The following PTPRR variants were observed in gnomAD, a reference collection of about 807,000 sequenced individuals.
PTPRR encodes protein tyrosine phosphatase receptor type R, also known as receptor-type tyrosine-protein phosphatase R.
Under a neutral mutation model 77.2 loss-of-function variants are expected in PTPRR, and 38 were observed. The ratio of observed to expected loss-of-function variants is 0.49; its 90% CI spans 0.38 to 0.65. The LOEUF is 0.65. PTPRR is among the 30% of genes least tolerant of loss of function. PTPRR has a pLI of 0.00. For synonymous variants in PTPRR, 299 were observed against 283.1 expected, an observed-to-expected ratio of 1.06 and a Z score of -0.57; for missense variants, 744 against 799.2, an observed-to-expected ratio of 0.93 and a Z score of 0.83.
At chr12:70,889,321 A>C (rs890135661) in intron 2 of PTPRR, among the ~76,000 whole-genome samples, 1 of 152,224 alleles carries the variant, frequency 6.6e-6, no homozygotes, top group Non-Finnish European at 1.5e-5. Flanking sequence ...CAAAGCAATG[A>C]GAAAGCCGGA....
intron 1 of PTPRR, among the ~76,000 whole-genome samples, chr12:70,913,476 G>A (rs1198451838): frequency 2.0e-5 from 3 of 152,020 alleles, no homozygotes; most frequent in Admixed American, 6.5e-5. Context: ...TAGGAGTTCC[G>A]GGTCCATTCT....
chr12:70,893,031 G>A, intron 1 of PTPRR, 54 bp from the exon 2 acceptor site: 2 of 1,548,994 alleles, frequency 1.3e-6, no homozygotes, highest in Middle Eastern at 2.1e-4. Flanking sequence ...AGTAAGAGAG[G>A]TAGATATATC....
chr12:70,827,100 G>T (rs912338052), intron 2 of PTPRR, among the ~76,000 whole-genome samples: 9 of 152,308 alleles, frequency 5.9e-5, no homozygotes, highest in African/African-American at 1.9e-4. Flanking sequence ...CCCCTCCCCA[G>T]ATACTTTCTT....
intron 13 of PTPRR, among the ~76,000 whole-genome samples, chr12:70,648,588 G>A (rs1474426989): frequency 6.6e-6 from 1 of 152,058 alleles, no homozygotes; most frequent in African/African-American, 2.4e-5. Flanking sequence ...TCACTGTTAC[G>A]CCCCACATCT....
chr12:70,747,685 A>G (rs1890257444), intron 5 of PTPRR, among the ~76,000 whole-genome samples: 1 of 152,224 alleles, frequency 6.6e-6, no homozygotes, highest in South Asian at 2.1e-4. Context: ...TCATCTGTTT[A>G]CTTCATGTCT....
intron 6 of PTPRR, among the ~76,000 whole-genome samples, chr12:70,728,628 G>A (rs1011963566): frequency 1.8e-4 from 26 of 146,400 alleles, no homozygotes; most frequent in Admixed American, 2.1e-4. Context: ...CCTTTCCTTT[G>A]AGCATCATGT....
At chr12:70,812,880 C>A (rs947084877) in intron 2 of PTPRR, among the ~76,000 whole-genome samples, 1 of 152,066 alleles carries the variant, frequency 6.6e-6, no homozygotes, top group African/African-American at 2.4e-5. Context: ...AAAATTGTAC[C>A]CCTGGCTTTC....
At chr12:70,890,218 C>A (rs1486296725) in intron 2 of PTPRR, among the ~76,000 whole-genome samples, 1 of 152,130 alleles carries the variant, frequency 6.6e-6, no homozygotes, top group Non-Finnish European at 1.5e-5. Flanking sequence ...GCACAGAAAT[C>A]CTAATAACAG....
chr12:70,764,964 T>G, intron 2 of PTPRR, among the ~76,000 whole-genome samples, 186 bp from the exon 3 acceptor site: 1 of 152,160 alleles, frequency 6.6e-6, no homozygotes, highest in Middle Eastern at 3.2e-3. Context: ...AGAAATAAAA[T>G]TATAGGAACA....
rs1323547016 is a variant in PTPRR at position 70,790,047 on chromosome 12, CCT to C, written c.358-25271_358-25270del. ...AGGAGATAATTGTTGTCTAATTCTC[CCT>C]CTCATTCCTGCATCATTAGTTCACC... On this transcript the variant is annotated intron_variant, in intron 2 of 13. Coordinates refer to ENST00000283228, the MANE Select transcript of PTPRR (RefSeq NM_002849.4). Among the ~76,000 whole-genome samples the C allele has an allele frequency of 6.6e-5, 10 of 151,922 alleles. No individual in the cohort carries two copies. The South Asian group carries it at 1.9e-3, about 28-fold the overall frequency.
chr12:70,673,643 T>C (rs532042036), intron 10 of PTPRR, among the ~76,000 whole-genome samples: 11 of 152,264 alleles, frequency 7.2e-5, no homozygotes, highest in African/African-American at 1.9e-4. Flanking sequence ...GAAGAAGAAA[T>C]AGAAATAATA....
chr12:70,728,266 C>CAAATG (rs1889519475), intron 6 of PTPRR, among the ~76,000 whole-genome samples: 1 of 128,634 alleles, frequency 7.8e-6, no homozygotes, highest in Non-Finnish European at 1.6e-5. Flanking sequence ...CTCATTGAGG[C>CAAATG]ATCAGAGAAG....
intron 1 of PTPRR, among the ~76,000 whole-genome samples, chr12:70,919,673 G>GT (rs58439089): frequency 0.042 from 4,582 of 109,500 alleles, 423 homozygotes; most frequent in Non-Finnish European, 0.062. Flanking sequence ...AACTGTAATT[G>GT]TTTTTTTTTT....
intron 2 of PTPRR, among the ~76,000 whole-genome samples, chr12:70,816,315 A>T (rs982673255): frequency 1.1e-4 from 16 of 152,206 alleles, no homozygotes; most frequent in African/African-American, 3.4e-4. Flanking sequence ...ATTCCTCAAG[A>T]AAAATATGAC....
rs141410392 is a variant in PTPRR, at chr12:70,686,783, G to T, written c.1280-2000C>A. ...CAGCCAAGTGTTCAGCTGACCAAAG[G>T]CTTGGCCAACAACTCAATTGAAATC... On this transcript the variant is annotated intron_variant, in intron 8 of 13. Coordinates refer to ENST00000283228, the MANE Select transcript of PTPRR (RefSeq NM_002849.4). 4.0e-3 allele frequency among the ~76,000 whole-genome samples: 616 copies of T among 152,214 alleles called. 20 individuals are homozygous for T. Among genetic ancestry groups the T allele is most frequent in the East Asian group, 2.1e-3 (11 of 5,176 alleles).
At chr12:70,836,044 C>T (rs1892296801) in intron 2 of PTPRR, among the ~76,000 whole-genome samples, 1 of 152,032 alleles carries the variant, frequency 6.6e-6, no homozygotes, top group Admixed American at 6.6e-5. Context: ...CTTCTCTTTC[C>T]TATTGGGATG....
intron 2 of PTPRR, among the ~76,000 whole-genome samples, chr12:70,799,964 A>T (rs1385473386): frequency 6.6e-6 from 1 of 152,086 alleles, no homozygotes; most frequent in Non-Finnish European, 1.5e-5. Flanking sequence ...AGTCACAAAG[A>T]TATGGTTAAA....
At chr12:70,884,676 G>C (rs1893206316) in intron 2 of PTPRR, among the ~76,000 whole-genome samples, 1 of 151,248 alleles carries the variant, frequency 6.6e-6, no homozygotes, top group Admixed American at 6.6e-5. Context: ...GACCATCCTG[G>C]CTAACACGGT....
At chr12:70,789,022 G>T in intron 2 of PTPRR, 2 of 590,844 alleles carry the variant, frequency 3.4e-6, no homozygotes, top group Non-Finnish European at 5.4e-6. Flanking sequence ...GCAGCAGCCT[G>T]TGCTTTCCCA....
Sources: allele counts gnomAD v4.1 joint callset (sites outside exome capture counted in the v4.1 genomes callset), GRCh38; gene constraint gnomAD v4.1.1; transcripts MANE v1.5; gene names NCBI Gene and HGNC (gene_info 2026-07-23, HGNC 2026-07-21).